The following MALRD1 variants were observed in gnomAD, a reference collection of about 807,000 sequenced individuals.
MALRD1 encodes MAM and LDL receptor class A domain containing 1.
MALRD1 carries 247 observed loss-of-function variants against 242.1 expected under a neutral mutation model. The ratio of observed to expected loss-of-function variants is 1.02; its 90% CI spans 0.92 to 1.13. The LOEUF is 1.13. Among genes scored for constraint, MALRD1 ranks in the 50% most tolerant of loss-of-function variants. The pLI, the probability that MALRD1 is intolerant of heterozygous loss-of-function variation, is 0.00. For missense variants in MALRD1, 2,989 were observed against 2,533.1 expected, an observed-to-expected ratio of 1.18 and a Z score of -3.86; for synonymous variants, 995 against 866.6, an observed-to-expected ratio of 1.15 and a Z score of -2.60.
chr10:19,285,819 A>T (rs1026676073), intron 21 of MALRD1, among the ~76,000 whole-genome samples: 6 of 110,716 alleles, frequency 5.4e-5, no homozygotes. Context: ...TGGGGATGGC[A>T]TTGAATCTGT....
At chr10:19,355,477 T>G (rs1349327723) in intron 26 of MALRD1, among the ~76,000 whole-genome samples, 1 of 151,676 alleles carries the variant, frequency 6.6e-6, no homozygotes, top group Non-Finnish European at 1.5e-5. Context: ...TATGATAACT[T>G]GTGGGAATGT....
intron 4 of MALRD1, among the ~76,000 whole-genome samples, chr10:19,095,278 G>A (rs10763864): frequency 0.54 from 81,500 of 151,470 alleles, 21,977 homozygotes; most frequent in Middle Eastern, 0.59. Context: ...TTGATTGGTT[G>A]TAAATCACTA....
Position 19,087,497 on chromosome 10 carries a change from G to A in MALRD1, c.341-343G>A, listed in dbSNP as rs188670564. ...ATGTGGGCCTGAATTATCACTTGGC[G>A]CCTTAAATTCACCAGTGATCACTCT... On this transcript the variant is annotated intron_variant, in intron 2 of 39. Transcript: ENST00000454679. Among the ~76,000 whole-genome samples, 66 of 150,806 alleles carry A rather than the reference G, an allele frequency of 4.4e-4. 1 individual carries two copies. Among genetic ancestry groups the A allele is most frequent in the African/African-American group, 1.6e-3 (64 of 41,140 alleles).
At chr10:19,332,261 A>G (rs1022130783) in intron 24 of MALRD1, among the ~76,000 whole-genome samples, 20 of 151,138 alleles carry the variant, frequency 1.3e-4, no homozygotes, top group Non-Finnish European at 1.9e-4. Flanking sequence ...CCTCTGATGC[A>G]TTTCAGAGGA....
rs1840547507 is a variant in MALRD1, at chr10:19,276,790, T to C, written c.3080-3257T>C. 2.0e-5 allele frequency among the ~76,000 whole-genome samples: 3 copies of C among 152,342 alleles called. No homozygotes were observed. The South Asian group carries it at 6.2e-4, about 32-fold the overall frequency. On this transcript the variant is annotated intron_variant, in intron 19 of 39. Coordinates refer to ENST00000454679, the MANE Select transcript of MALRD1 (RefSeq NM_001142308.3). ...AGACGTGAGTATATCCAACTGGATG[T>C]GAGATAAAGTTTCCAACCTGTTAGG...
chr10:19,727,810 T>A (rs1034752888), intron 38 of MALRD1, among the ~76,000 whole-genome samples: 3 of 151,622 alleles, frequency 2.0e-5, no homozygotes, highest in Non-Finnish European at 2.9e-5. Flanking sequence ...CATTACACCA[T>A]TGAGTTTCAG....
intron 28 of MALRD1, among the ~76,000 whole-genome samples, chr10:19,434,249 A>G (rs1216289365): frequency 6.6e-6 from 1 of 152,190 alleles, no homozygotes; most frequent in East Asian, 1.9e-4. Flanking sequence ...TATAAAATGT[A>G]TGTCTAAAAT....
intron 38 of MALRD1, 116 bp downstream of exon 38, chr10:19,692,670 TTTGCTGCTTTATGGA>T: frequency 1.4e-6 from 1 of 738,410 alleles, no homozygotes. Flanking sequence ...ACTTTAGTGT[TTTGCTGCTTTATGGA>T]TTTATTTTTC....
chr10:19,433,346 T>C (rs549583936), intron 28 of MALRD1, among the ~76,000 whole-genome samples: 27 of 152,062 alleles, frequency 1.8e-4, no homozygotes, highest in African/African-American at 6.5e-4. Context: ...CCTGTAAATG[T>C]CCTGAGATGG....
chr10:19,670,079 CACACACACACACAA>C (rs1353934027), intron 36 of MALRD1, among the ~76,000 whole-genome samples: 2 of 151,634 alleles, frequency 1.3e-5, no homozygotes, highest in Non-Finnish European at 1.5e-5. Context: ...CACACACACA[CACACACACACACAA>C]ACACACACAC....
intron 7 of MALRD1, among the ~76,000 whole-genome samples, chr10:19,125,160 G>A (rs1213902851): frequency 6.6e-6 from 1 of 151,488 alleles, no homozygotes; most frequent in African/African-American, 2.4e-5. Context: ...TGGCCAGGCT[G>A]GTATCAAACT....
At chr10:19,349,889 A>G (rs1289498489) in intron 25 of MALRD1, among the ~76,000 whole-genome samples, 4 of 152,146 alleles carry the variant, frequency 2.6e-5, no homozygotes, top group African/African-American at 9.7e-5. Context: ...ATCCATTGCT[A>G]TATTCCCCTG....
At chr10:19,235,487 T>G (rs1372503415) in intron 18 of MALRD1, among the ~76,000 whole-genome samples, 1 of 151,396 alleles carries the variant, frequency 6.6e-6, no homozygotes, top group East Asian at 1.9e-4. Context: ...TCTAATTGAT[T>G]TAAGTTCCCT....
At chr10:19,501,614 A>G (rs867922046) in intron 31 of MALRD1, among the ~76,000 whole-genome samples, 6 of 152,250 alleles carry the variant, frequency 3.9e-5, no homozygotes, top group South Asian at 4.1e-4. Flanking sequence ...AAATCTGTAC[A>G]TAGATATTTC....
chr10:19,176,042 T>A (rs1033885482), intron 14 of MALRD1, among the ~76,000 whole-genome samples: 3 of 152,182 alleles, frequency 2.0e-5, no homozygotes, highest in African/African-American at 7.2e-5. Context: ...TTGATGTTTC[T>A]CTCTGACCAC....
chr10:19,393,391 T>C (rs1247396672), intron 28 of MALRD1, among the ~76,000 whole-genome samples: 1 of 151,736 alleles, frequency 6.6e-6, no homozygotes, highest in African/African-American at 2.4e-5. Context: ...TCACAAATTT[T>C]ACTCCCACTA....
chr10:19,517,669 T>G (rs932603421), intron 31 of MALRD1, among the ~76,000 whole-genome samples: 1 of 152,170 alleles, frequency 6.6e-6, no homozygotes, highest in Non-Finnish European at 1.5e-5. Flanking sequence ...ACCTTACCTA[T>G]TGGATCCAGT....
intron 31 of MALRD1, among the ~76,000 whole-genome samples, chr10:19,519,602 C>T (rs1833788286): frequency 2.0e-5 from 3 of 151,876 alleles, no homozygotes; most frequent in South Asian, 4.2e-4. Flanking sequence ...GACCCTGTTG[C>T]TACAATTTTT....
chr10:19,588,468 A>G (rs569016104), intron 33 of MALRD1, among the ~76,000 whole-genome samples: 3 of 152,314 alleles, frequency 2.0e-5, no homozygotes, highest in East Asian at 1.9e-4. Context: ...TGAAGTCACA[A>G]TTTTGAGGAA....
Sources: allele counts gnomAD v4.1 joint callset (sites outside exome capture counted in the v4.1 genomes callset), GRCh38; gene constraint gnomAD v4.1.1; transcripts MANE v1.5; gene names NCBI Gene and HGNC (gene_info 2026-07-23, HGNC 2026-07-21).